B9D2: variants seen among roughly 807,000 people sequenced by gnomAD.
The protein encoded by B9D2 is B9 domain containing 2, also known as B9 domain-containing protein 2.
B9D2 carries 21 observed loss-of-function variants against 19.2 expected under a neutral mutation model. That is an observed-to-expected ratio of 1.09 (90% confidence interval 0.78 to 1.58). The LOEUF (loss-of-function observed/expected upper bound fraction) is 1.58. Ranked by LOEUF, B9D2 falls within the 40% of genes most tolerant of loss-of-function variation. The probability of loss-of-function intolerance (pLI) is 0.00; values close to 1 mark genes in which losing one functional copy is unlikely to be tolerated. For missense variants in B9D2, 221 were observed against 244.3 expected, an observed-to-expected ratio of 0.90 and a Z score of 0.64; for synonymous variants, 91 against 100.6, an observed-to-expected ratio of 0.90 and a Z score of 0.57.
chr19:41,355,889 A>G (rs1174870459), intron 3 of B9D2, among the ~76,000 whole-genome samples: 1 of 152,184 alleles, frequency 6.6e-6, no homozygotes, highest in Non-Finnish European at 1.5e-5. Context: ...AGCAAATGCT[A>G]AAAGGAAGGA....
rs969874828 is a variant in B9D2 at position 41,356,502 on chromosome 19, A to AT, written c.214+1394dup. 3.0e-3 allele frequency among the ~76,000 whole-genome samples: 454 copies of AT among 150,300 alleles called. 4 individuals are homozygous for AT. The highest frequency in any genetic ancestry group is 0.01 in the African/African-American group (421 of 40,960). ...ACCTCACCCACACAGCACCGGAAAG[A>AT]TTTTTTTTTTCCCCAGCTCCAGCTT... On this transcript the variant is annotated intron_variant, in intron 3 of 3. Transcript: ENST00000243578.
intron 2 of B9D2, among the ~76,000 whole-genome samples, chr19:41,358,833 C>G (rs919352606): frequency 3.3e-5 from 5 of 151,516 alleles, no homozygotes; most frequent in African/African-American, 9.7e-5. Flanking sequence ...TGGCAAAACC[C>G]CATCTCTACA....
chr19:41,362,462 T>C (rs1459173074), intron 2 of B9D2, among the ~76,000 whole-genome samples: 3 of 150,048 alleles, frequency 2.0e-5, no homozygotes, highest in African/African-American at 7.3e-5. Context: ...TAGACATTCA[T>C]CTGTGCCACG....
chr19:41,363,291 G>T, intron 2 of B9D2, 141 bp downstream of exon 2: 1 of 821,606 alleles, frequency 1.2e-6, no homozygotes, highest in Non-Finnish European at 2.1e-6. Context: ...AGACTCATGT[G>T]GACAGGGTGT....
At chr19:41,363,549 A>C in intron 1 of B9D2, 26 bp from the exon 2 acceptor site, 1 of 1,595,402 alleles carries the variant, frequency 6.3e-7, no homozygotes, top group African/African-American at 1.4e-5. Context: ...TATAATCACA[A>C]CCCTGTGAGG....
At chr19:41,359,373 C>T (rs1184100122) in intron 2 of B9D2, among the ~76,000 whole-genome samples, 1 of 152,014 alleles carries the variant, frequency 6.6e-6, no homozygotes, top group African/African-American at 2.4e-5. Context: ...TCGAGACCAG[C>T]CTGGCCAAAA....
chr19:41,357,685 G>A (rs2038336591), intron 3 of B9D2, among the ~76,000 whole-genome samples: 1 of 127,194 alleles, frequency 7.9e-6, no homozygotes, highest in Non-Finnish European at 1.6e-5. Flanking sequence ...GCTCCACCCT[G>A]GCCTCTGCCC....
chr19:41,362,178 T>C (rs967199120), intron 2 of B9D2, among the ~76,000 whole-genome samples: 29 of 142,972 alleles, frequency 2.0e-4, no homozygotes, highest in African/African-American at 7.1e-4. Context: ...GGTCAGGAGA[T>C]CGAGACCATC....
At chr19:41,360,865 A>C (rs1221108226) in intron 2 of B9D2, 1 of 152,168 alleles carries the variant, frequency 6.6e-6, no homozygotes, top group Non-Finnish European at 1.5e-5. Flanking sequence ...GGGACCTTGC[A>C]CACTGCTGGA....
chr19:41,363,854 G>C (rs1031293605), intron 1 of B9D2, 104 bp downstream of exon 1: 2 of 520,786 alleles, frequency 3.8e-6, no homozygotes, highest in Non-Finnish European at 3.5e-6. Flanking sequence ...CGTCACGCCA[G>C]CCACCCCGCT....
At chr19:41,359,499 G>T (rs993712257) in intron 2 of B9D2, among the ~76,000 whole-genome samples, 3 of 151,920 alleles carry the variant, frequency 2.0e-5, no homozygotes, top group Non-Finnish European at 1.5e-5. Flanking sequence ...TCAAGAGATC[G>T]AGACCATCCT....
At chr19:41,357,829 C>T (rs2038338964) in intron 3 of B9D2, 68 bp downstream of exon 3, 1 of 1,601,092 alleles carries the variant, frequency 6.2e-7, no homozygotes, top group African/African-American at 1.3e-5. Flanking sequence ...TGTTCCCAGC[C>T]CCAGGGACCT....
rs1388769907 is a variant in B9D2, at chr19:41,363,505, G to A, written c.15C>T (p.His5=). The A allele has an allele frequency of 1.9e-6, 3 of 1,613,948 alleles. No homozygotes were observed. The highest frequency in any genetic ancestry group is 1.3e-5 in the African/African-American group (1 of 74,874). Residue 5 remains histidine, a synonymous_variant, in exon 2 of 4, where the codon CAC becomes CAT. Transcript: ENST00000243578. The part of the protein sequence containing the change: MAEV[H]VIGQIIGASG... ...TGGCCCCTATGATCTGCCCGATCAC[G>A]TGCACCTCAGCCATGGCCCTGGGAG...
intron 2 of B9D2, 24 bp from the exon 3 acceptor site, chr19:41,358,046 AG>A: frequency 6.2e-7 from 1 of 1,613,588 alleles, no homozygotes; most frequent in South Asian, 1.1e-5. Context: ...CGGGACATAG[AG>A]GGGTGGGAGG....
At chr19:41,363,726 G>C (rs2038454901) in intron 1 of B9D2, among the ~76,000 whole-genome samples, 1 of 152,170 alleles carries the variant, frequency 6.6e-6, no homozygotes, top group Non-Finnish European at 1.5e-5. Flanking sequence ...ACCCTTGTCT[G>C]GGGAACCAGC....
chr19:41,363,945 G>T lies in B9D2; in HGVS notation c.-5+13C>A. 2.9e-6 allele frequency: 1 copy of T among 341,136 alleles called. No individual in the cohort carries two copies. 21.1% of individuals were successfully genotyped at this position (341,136 alleles called of 1,614,324 possible). On this transcript the variant is annotated intron_variant, in intron 1 of 3. Coordinates refer to ENST00000243578, the MANE Select transcript of B9D2 (RefSeq NM_030578.4). ...AACCCCGCCTCTAAGCGCAGCGCAT[G>T]CGTCATTCCTACCTTAGCGCACTTA... is the stretch of plus-strand genomic sequence containing the variant.
chr19:41,355,450 GCT>G (rs1244139931), intron 3 of B9D2, among the ~76,000 whole-genome samples: 3 of 151,818 alleles, frequency 2.0e-5, no homozygotes, highest in African/African-American at 7.3e-5. Context: ...TCCCTGCCCT[GCT>G]CTCTTTGGGC....
chr19:41,357,772 G>T, intron 3 of B9D2, 125 bp downstream of exon 3: 1 of 1,415,012 alleles, frequency 7.1e-7, no homozygotes, highest in Non-Finnish European at 9.8e-7. Context: ...GCCAGACTTG[G>T]CTGCAAAAGG....
chr19:41,356,614 C>G (rs1441490006), intron 3 of B9D2, among the ~76,000 whole-genome samples: 2 of 151,650 alleles, frequency 1.3e-5, no homozygotes, highest in Non-Finnish European at 2.9e-5. Flanking sequence ...GAGGCCGAGG[C>G]AGGTGGATCA....
Sources: gnomAD v4.1 joint callset for allele counts (sites outside exome capture counted in the v4.1 genomes callset) on GRCh38, gnomAD v4.1.1 for gene constraint, MANE v1.5 for transcripts, NCBI Gene and HGNC (gene_info 2026-07-23, HGNC 2026-07-21) for gene names.